Variants in USP20 observed in about 807,000 individuals in gnomAD.
USP20 encodes the protein ubiquitin specific peptidase 20, also known as ubiquitin carboxyl-terminal hydrolase 20.
Under a neutral mutation model 124.2 loss-of-function variants are expected in USP20, and 80 were observed. That is an observed-to-expected ratio of 0.64 (90% CI 0.54 to 0.78). USP20 has a LOEUF of 0.78. Among genes scored for constraint, USP20 ranks in the 30% least tolerant of loss-of-function variants. The pLI is 0.00. For synonymous variants in USP20, 481 were observed against 512.3 expected, an observed-to-expected ratio of 0.94 and a Z score of 0.83; for missense variants, 1,043 against 1,244.4, an observed-to-expected ratio of 0.84 and a Z score of 2.44.
In USP20 at chr9:129,839,408, T is replaced by A. The variant is rs1314846204; in HGVS notation, c.-129+3909T>A. 3.3e-5 allele frequency among the ~76,000 whole-genome samples: 5 copies of A among 151,924 alleles called. No homozygotes were observed. Among genetic ancestry groups the A allele is most frequent in the African/African-American group, 1.2e-4 (5 of 41,342 alleles). On this transcript the variant is annotated intron_variant, in intron 1 of 25. Coordinates refer to ENST00000372429, the MANE Select transcript of USP20 (RefSeq NM_001110303.4). This position sits in a 1 kb window ranked among gnomAD's most constrained non-coding sequence, Gnocchi z 4.5. Reference sequence around the variant, plus strand: ...AGAAGTGTGTGGGCAGCAGAGACTGTGGAAGTGTGGAGGCATGGGGAGGCC... The same window carrying A: ...AGAAGTGTGTGGGCAGCAGAGACTGAGGAAGTGTGGAGGCATGGGGAGGCC...
intron 1 of USP20, among the ~76,000 whole-genome samples, chr9:129,844,593 C>T (rs548077337): frequency 7.9e-4 from 112 of 141,172 alleles, no homozygotes; most frequent in Middle Eastern, 4.2e-3. Context: ...CACTGCACTC[C>T]AGCCTGGGTG....
intron 1 of USP20, among the ~76,000 whole-genome samples, chr9:129,845,293 G>A (rs2032474002): frequency 6.6e-6 from 1 of 152,074 alleles, no homozygotes; most frequent in Middle Eastern, 3.2e-3. Context: ...CCCCTATGGT[G>A]CCCTCAGGAG....
At chr9:129,851,893 C>T (rs2032941486) in intron 2 of USP20, among the ~76,000 whole-genome samples, 1 of 151,924 alleles carries the variant, frequency 6.6e-6, no homozygotes, top group South Asian at 2.1e-4. Flanking sequence ...CTAGGTTGTT[C>T]TCCTGCCTTT....
intron 15 of USP20, among the ~76,000 whole-genome samples, chr9:129,873,241 G>A (rs1183548659): frequency 6.6e-6 from 1 of 151,570 alleles, no homozygotes; most frequent in African/African-American, 2.4e-5. Flanking sequence ...GCACCACCAC[G>A]TCCAGCTAAT....
intron 7 of USP20, 40 bp from the exon 8 acceptor site, chr9:129,861,503 G>A (rs753662577): frequency 4.4e-6 from 7 of 1,600,064 alleles, no homozygotes; most frequent in Non-Finnish European, 5.1e-6. Context: ...CGGTGGGGCA[G>A]GGTGCTCACC....
chr9:129,865,490 G>A, intron 10 of USP20, 109 bp downstream of exon 10: 1 of 1,204,500 alleles, frequency 8.3e-7, no homozygotes, highest in East Asian at 2.4e-5. Context: ...GCACTGGTTG[G>A]CAGGTCTCAC....
chr9:129,858,569 C>CTGGGCTCCTCTTCCAAGT lies in USP20; in HGVS notation c.303_320dup (p.Leu101_Lys106dup). On this transcript the variant is annotated inframe_insertion, in exon 6 of 26. Coordinates refer to ENST00000372429, the MANE Select transcript of USP20 (RefSeq NM_001110303.4). ...GGAGCAGCGGCTGGCAGCCCCTCTG[C>CTGGGCTCCTCTTCCAAGT]TGGGCTCCTCTTCCAAGTTCTCTGA... 2 of 1,614,154 alleles carry CTGGGCTCCTCTTCCAAGT rather than the reference C, an allele frequency of 1.2e-6. No individual in the cohort carries two copies. Among genetic ancestry groups the CTGGGCTCCTCTTCCAAGT allele is most frequent in the Admixed American group, 3.3e-5 (2 of 60,004 alleles).
chr9:129,847,681 C>G (rs1186188360), intron 1 of USP20, among the ~76,000 whole-genome samples: 1 of 152,124 alleles, frequency 6.6e-6, no homozygotes, highest in Non-Finnish European at 1.5e-5. Flanking sequence ...TTTAAAGATA[C>G]AGTGCACACG....
At chr9:129,847,790 C>A (rs62586266) in intron 1 of USP20, among the ~76,000 whole-genome samples, 21,838 of 152,134 alleles carry the variant, frequency 0.14, 2,057 homozygotes, top group African/African-American at 0.26. Flanking sequence ...ACATAACTCT[C>A]CCCTTTGCCC....
chr9:129,848,938 T>C (rs1157578293), intron 1 of USP20, among the ~76,000 whole-genome samples: 4 of 152,258 alleles, frequency 2.6e-5, no homozygotes, highest in Admixed American at 2.6e-4. Flanking sequence ...CTCTTTGAGC[T>C]GTCCACATCT....
intron 21 of USP20, 29 bp downstream of exon 21, chr9:129,875,670 C>T (rs368824609): frequency 2.8e-5 from 45 of 1,608,058 alleles, no homozygotes; most frequent in African/African-American, 1.6e-4. Context: ...AACTTGTCTC[C>T]GTCCTGTCCA....
chr9:129,861,313 G>A (rs987858347), intron 7 of USP20, among the ~76,000 whole-genome samples: 1 of 152,192 alleles, frequency 6.6e-6, no homozygotes, highest in African/African-American at 2.4e-5. Flanking sequence ...CTGGCTGGGC[G>A]GAGGGGCAAA....
intron 3 of USP20, among the ~76,000 whole-genome samples, chr9:129,854,282 T>A (rs777784130): frequency 1.1e-4 from 16 of 152,174 alleles, no homozygotes; most frequent in Non-Finnish European, 2.4e-4. Context: ...TCACCAGTTA[T>A]AAACATATGA....
In USP20 at chr9:129,876,192, AGGCACT is replaced by A; in HGVS notation, c.2367_2372del (p.Leu790_Ala791del). The A allele has an allele frequency of 6.2e-7, 1 of 1,610,566 alleles. No individual in the cohort carries two copies. Among genetic ancestry groups the A allele is most frequent in the Non-Finnish European group, 8.5e-7 (1 of 1,178,692 alleles). ...TGCTCCATCTGCCAGGTGGAGATCG[AGGCACT>A]GGCCAAGCGCAGGAGGATCGAGATC... On this transcript the variant is annotated inframe_deletion, in exon 22 of 26. Transcript: ENST00000372429.
At chr9:129,863,463 G>A (rs1234533677) in intron 9 of USP20, among the ~76,000 whole-genome samples, 164 bp downstream of exon 9, 1 of 152,202 alleles carries the variant, frequency 6.6e-6, no homozygotes, top group Non-Finnish European at 1.5e-5. Flanking sequence ...ATTGCATCCA[G>A]TCCTGTTTTA....
intron 11 of USP20, 121 bp from the exon 12 acceptor site, chr9:129,868,741 G>A: frequency 2.1e-6 from 3 of 1,458,014 alleles, no homozygotes; most frequent in Non-Finnish European, 1.8e-6. Context: ...GCACATGACA[G>A]AGGAGACACA....
chr9:129,878,939 C>T (rs571641995), intron 23 of USP20, among the ~76,000 whole-genome samples: 37 of 152,310 alleles, frequency 2.4e-4, no homozygotes, highest in African/African-American at 7.5e-4. Context: ...CCTGTGGCTC[C>T]GGGGCCCGGC....
chr9:129,858,394 G>C lies in USP20; in HGVS notation c.199-73G>C, dbSNP rs908731161. On this transcript the variant is annotated intron_variant, in intron 5 of 25. Coordinates refer to ENST00000372429, the MANE Select transcript of USP20 (RefSeq NM_001110303.4). The stretch of plus-strand genomic sequence containing the variant: ...CCTCTTACTGAGAGGCTGGGGAGCG[G>C]AGCAGCCATTACAGGTTGGGGCACT... 4.4e-6 allele frequency: 7 copies of C among 1,600,164 alleles called. No individual in the cohort carries two copies. In the African/African-American group the frequency reaches 9.4e-5, roughly 22 times the overall value.
At chr9:129,872,713 G>A (rs2034183663) in intron 15 of USP20, among the ~76,000 whole-genome samples, 1 of 152,056 alleles carries the variant, frequency 6.6e-6, no homozygotes, top group African/African-American at 2.4e-5. Context: ...GTGCATGGAG[G>A]GGGAAACTAT....
Sources: gnomAD v4.1 joint callset for allele counts (sites outside exome capture counted in the v4.1 genomes callset) on GRCh38, gnomAD v4.1.1 for gene constraint, Gnocchi (gnomAD v3.1) non-coding constraint, MANE v1.5 for transcripts, NCBI Gene and HGNC (gene_info 2026-07-23, HGNC 2026-07-21) for gene names.